The following DMD variants were observed in gnomAD, a reference collection of about 807,000 sequenced individuals.
DMD encodes mutant dystrophin.
DMD carries 63 observed loss-of-function variants against 330.1 expected under a neutral mutation model. That is an observed-to-expected ratio of 0.19 (90% CI 0.16 to 0.24). The LOEUF is 0.24. Ranked by LOEUF, DMD falls within the 10% of genes least tolerant of loss-of-function variation. The pLI is 1.00. For synonymous variants in DMD, 1,223 were observed against 959.8 expected (o/e 1.27, Z -5.07); for missense variants, 3,344 against 2,684.1 (o/e 1.25, Z -5.43).
chrX:31,422,045 T>TATA lies in DMD; in HGVS notation c.9084+22435_9084+22436insTAT, dbSNP rs66514775. 8.3e-3 allele frequency among the ~76,000 whole-genome samples: 91 copies of TATA among 10,968 alleles called. 2 individuals carry two copies. Among genetic ancestry groups the TATA allele is most frequent in the Admixed American group, 0.012 (6 of 492 alleles). The allele number at this position is 10,968 out of a possible 115,157, so 9.5% of individuals were successfully genotyped here. On this transcript the variant is annotated intron_variant, in intron 60 of 78. Transcript: ENST00000357033. ...CACACACACATATATATATATATAT[T>TATA]TTTTTTTTTCTTTTTCTTTTTGAGA... is the stretch of plus-strand genomic sequence containing the variant.
intron 11 of DMD, among the ~76,000 whole-genome samples, chrX:32,637,938 C>T (rs148760166): frequency 1.2e-4 from 14 of 112,017 alleles, no homozygotes; most frequent in African/African-American, 2.9e-4. Context: ...TTTGAAGATA[C>T]GGCTCTCTCA....
At chrX:32,434,076 A>C (rs2098249662) in intron 29 of DMD, among the ~76,000 whole-genome samples, 1 of 112,143 alleles carries the variant, frequency 8.9e-6, no homozygotes, top group African/African-American at 3.2e-5. Flanking sequence ...TAGGGATGGG[A>C]TCTAGCAAAT....
intron 74 of DMD, among the ~76,000 whole-genome samples, chrX:31,151,645 A>G (rs1448386916): frequency 8.9e-6 from 1 of 112,680 alleles, no homozygotes; most frequent in African/African-American, 3.2e-5. Flanking sequence ...GAAAAGGCTC[A>G]TTTTAATCAG....
At chrX:32,781,670 A>G (rs1312281185) in intron 7 of DMD, among the ~76,000 whole-genome samples, 1 of 110,201 alleles carries the variant, frequency 9.1e-6, no homozygotes, top group Admixed American at 9.8e-5. Context: ...TACCCCAGAC[A>G]TACTACATTC....
At chrX:32,773,152 T>G (rs1269098245) in intron 7 of DMD, among the ~76,000 whole-genome samples, 1 of 112,308 alleles carries the variant, frequency 8.9e-6, no homozygotes, top group African/African-American at 3.2e-5. Context: ...TGGAGGACAT[T>G]ACAGGTGTTT....
chrX:32,377,711 T>G (rs188884702), intron 34 of DMD, among the ~76,000 whole-genome samples: 2 of 111,788 alleles, frequency 1.8e-5, no homozygotes, highest in Admixed American at 1.9e-4. Context: ...TAATTCTACT[T>G]AAAAGCTCAG....
intron 55 of DMD, among the ~76,000 whole-genome samples, chrX:31,602,920 C>T (rs1285807837): frequency 8.9e-6 from 1 of 112,078 alleles, no homozygotes; most frequent in African/African-American, 3.2e-5. Context: ...TAGTATCATA[C>T]ATTCACGCTC....
At chrX:31,198,789 C>T (rs1426680651) in intron 67 of DMD, among the ~76,000 whole-genome samples, 1 of 111,947 alleles carries the variant, frequency 8.9e-6, no homozygotes, top group Non-Finnish European at 1.9e-5. Flanking sequence ...CAGCACATGA[C>T]TGTATAGTTT....
At position 32,719,985 on chromosome X, in the gene DMD, TATAC is replaced by T. The variant is rs1459273243; in HGVS notation, c.650-20696_650-20693del. ...TCATTCATTCATATATATATATATA[TATAC>T]ACACACACACGTTTTAATATTAAAG... On this transcript the variant is annotated intron_variant, in intron 7 of 78. Coordinates refer to ENST00000357033, the MANE Select transcript of DMD (RefSeq NM_004006.3). Among the ~76,000 whole-genome samples, 376 of 107,741 alleles carry T rather than the reference TATAC, an allele frequency of 3.5e-3. 3 individuals are homozygous for T. The highest frequency in any genetic ancestry group is 0.012 in the African/African-American group (347 of 28,291). The allele number at this position is 107,741 out of a possible 115,157, so 93.6% of individuals were successfully genotyped here.
intron 11 of DMD, chrX:32,641,580 G>T (rs374754893): frequency 6.2e-6 from 1 of 161,437 alleles, no homozygotes; most frequent in Non-Finnish European, 1.4e-5. Flanking sequence ...TGGTAGATAG[G>T]ATTAATAATT....
intron 43 of DMD, among the ~76,000 whole-genome samples, chrX:32,278,538 AAAAC>A (rs1332673599): frequency 9.0e-6 from 1 of 111,716 alleles, no homozygotes; most frequent in East Asian, 2.8e-4. Context: ...GTACAAGAAA[AAAAC>A]AAACAACCCC....
At chrX:32,540,318 G>T (rs2048375107) in intron 17 of DMD, among the ~76,000 whole-genome samples, 1 of 111,198 alleles carries the variant, frequency 9.0e-6, no homozygotes, top group South Asian at 3.8e-4. Flanking sequence ...AGTGTAAAGA[G>T]AAAAATTTAT....
intron 44 of DMD, among the ~76,000 whole-genome samples, chrX:32,122,424 T>A (rs745694419): frequency 8.9e-6 from 1 of 111,901 alleles, no homozygotes; most frequent in Admixed American, 9.5e-5. Flanking sequence ...TAATTACCAG[T>A]CACAATCTAG....
Position 31,319,643 on chromosome X carries a change from T to C in DMD, c.9224+3955A>G, listed in dbSNP as rs770478410. 1.6e-4 allele frequency among the ~76,000 whole-genome samples: 18 copies of C among 112,557 alleles called. 1 individual carries two copies. The highest frequency in any genetic ancestry group is 1.6e-3 in the Admixed American group (17 of 10,672). ...ACTAGGTTACCTGACAAAACAACCATTGGTATCTTCATCTGGGACAGAGTT... is the reference window on the plus strand; with the variant it reads ...ACTAGGTTACCTGACAAAACAACCACTGGTATCTTCATCTGGGACAGAGTT... On this transcript the variant is annotated intron_variant, in intron 62 of 78. Coordinates refer to ENST00000357033, the MANE Select transcript of DMD (RefSeq NM_004006.3).
chrX:33,033,554 CAA>C (rs775790760), intron 1 of DMD, among the ~76,000 whole-genome samples: 27 of 74,497 alleles, frequency 3.6e-4, no homozygotes, highest in African/African-American at 1.5e-3. Flanking sequence ...ACTAAAAATA[CAA>C]AAAAAAAAAA....
intron 55 of DMD, among the ~76,000 whole-genome samples, chrX:31,558,656 C>CTA (rs993514767): frequency 2.8e-5 from 3 of 107,285 alleles, no homozygotes; most frequent in African/African-American, 1.0e-4. Context: ...TATATATATA[C>CTA]TATATATATG....
At chrX:31,486,868 G>A (rs1449091803) in intron 57 of DMD, among the ~76,000 whole-genome samples, 1 of 111,756 alleles carries the variant, frequency 8.9e-6, no homozygotes, top group Non-Finnish European at 1.9e-5. Flanking sequence ...GTCACCAAAA[G>A]GACCTTCTTT....
chrX:32,715,530 T>C (rs944476822), intron 7 of DMD, among the ~76,000 whole-genome samples: 63 of 96,559 alleles, frequency 6.5e-4, no homozygotes, highest in African/African-American at 2.5e-3. Flanking sequence ...CTTATGCCTA[T>C]AATCCTAGCA....
intron 26 of DMD, among the ~76,000 whole-genome samples, chrX:32,452,204 G>A (rs1273953194): frequency 9.5e-6 from 1 of 105,154 alleles, no homozygotes; most frequent in African/African-American, 3.5e-5. Flanking sequence ...CTGAGGTAGT[G>A]GCCATATATA....
Sources: gnomAD v4.1 joint callset for allele counts (sites outside exome capture counted in the v4.1 genomes callset) on GRCh38, gnomAD v4.1.1 for gene constraint, MANE v1.5 for transcripts, NCBI Gene and HGNC (gene_info 2026-07-23, HGNC 2026-07-21) for gene names.